The following ABCC1 variants were observed in gnomAD, a reference collection of about 807,000 sequenced individuals.
ABCC1 encodes the protein multidrug resistance-associated protein 1.
ABCC1 carries 83 observed loss-of-function variants against 172.9 expected under a neutral mutation model. The observed-to-expected ratio is 0.48, with a 90% CI of 0.40 to 0.58. The LOEUF is 0.58. ABCC1 is among the 20% of genes least tolerant of loss of function. The pLI, the probability that ABCC1 is intolerant of heterozygous loss-of-function variation, is 0.00. For missense variants in ABCC1, 1,817 were observed against 2,002.7 expected, an observed-to-expected ratio of 0.91 and a Z score of 1.77; for synonymous variants, 937 against 825.2, an observed-to-expected ratio of 1.14 and a Z score of -2.32.
chr16:16,002,325 T>G (rs1015850141), intron 1 of ABCC1, among the ~76,000 whole-genome samples: 1 of 152,206 alleles, frequency 6.6e-6, no homozygotes, highest in Non-Finnish European at 1.5e-5. Flanking sequence ...ATAAAATATT[T>G]TCTGAAAGAA....
chr16:16,005,052 TC>T (rs1020439608), intron 1 of ABCC1, among the ~76,000 whole-genome samples: 1 of 148,612 alleles, frequency 6.7e-6, no homozygotes, highest in Admixed American at 7.0e-5. Flanking sequence ...CTTATTTCCC[TC>T]ATTTCTCATT....
At chr16:16,116,629 C>T (rs2044883750) in intron 23 of ABCC1, among the ~76,000 whole-genome samples, 3 of 151,584 alleles carry the variant, frequency 2.0e-5, no homozygotes. Flanking sequence ...GTGATGGAAT[C>T]TCGGCTCACT....
intron 12 of ABCC1, among the ~76,000 whole-genome samples, chr16:16,060,962 G>A (rs188793221): frequency 1.4e-4 from 22 of 152,204 alleles, no homozygotes; most frequent in Non-Finnish European, 2.1e-4. Context: ...GATTACAGGC[G>A]CCTACTACCA....
intron 23 of ABCC1, among the ~76,000 whole-genome samples, chr16:16,120,930 C>T (rs1897047698): frequency 1.3e-5 from 2 of 152,156 alleles, no homozygotes; most frequent in South Asian, 4.1e-4. Context: ...AATTCTGTCA[C>T]TTAATGATAA....
At chr16:16,094,751 A>T (rs1242139190) in intron 19 of ABCC1, among the ~76,000 whole-genome samples, 1 of 148,514 alleles carries the variant, frequency 6.7e-6, no homozygotes, top group Non-Finnish European at 1.5e-5. Flanking sequence ...TCTTGACGTC[A>T]TGATCCGCCC....
At chr16:16,001,896 A>T (rs926409918) in intron 1 of ABCC1, among the ~76,000 whole-genome samples, 2 of 152,018 alleles carry the variant, frequency 1.3e-5, no homozygotes, top group Non-Finnish European at 2.9e-5. Flanking sequence ...AAGTTTATAT[A>T]TATGTGAGAC....
Position 16,079,548 on chromosome 16 carries a change from G to T in ABCC1, c.2115+70G>T, listed in dbSNP as rs973158304. ...TCTGAGGAAAAGCTCAGAAATGATG[G>T]TGTTTCTTTTGACTGTCCCTGTGCC... On this transcript the variant is annotated intron_variant, in intron 16 of 30. Transcript: ENST00000399410. 1.6e-5 allele frequency: 24 copies of T among 1,546,812 alleles called. No individual in the cohort carries two copies. The African/African-American group carries it at 2.6e-4, about 17-fold the overall frequency.
At chr16:15,961,111 G>A (rs527941158) in intron 1 of ABCC1, among the ~76,000 whole-genome samples, 5 of 150,856 alleles carry the variant, frequency 3.3e-5, no homozygotes, top group African/African-American at 9.8e-5. Flanking sequence ...CCTTCCATGT[G>A]CTGGGATTAC....
intron 1 of ABCC1, among the ~76,000 whole-genome samples, chr16:15,990,343 G>A (rs577503403): frequency 2.0e-5 from 3 of 152,218 alleles, no homozygotes; most frequent in South Asian, 2.1e-4. Flanking sequence ...CATCACACCC[G>A]GCCATCAGCA....
chr16:16,126,540 T>C (rs1319689122), intron 26 of ABCC1, among the ~76,000 whole-genome samples: 2 of 152,044 alleles, frequency 1.3e-5, no homozygotes, highest in African/African-American at 2.4e-5. Flanking sequence ...CCTGTCATCA[T>C]GCCTGGCTAA....
intron 19 of ABCC1, among the ~76,000 whole-genome samples, chr16:16,096,577 G>A (rs184218989): frequency 7.9e-5 from 12 of 152,266 alleles, no homozygotes; most frequent in Admixed American, 5.2e-4. Context: ...TTTCTCTGCC[G>A]AGGCTGGGGG....
At chr16:16,108,511 T>G (rs1416637467) in intron 21 of ABCC1, among the ~76,000 whole-genome samples, 1 of 151,776 alleles carries the variant, frequency 6.6e-6, no homozygotes, top group African/African-American at 2.4e-5. Flanking sequence ...CCTTGTGATC[T>G]GCCTGCCTCA....
chr16:16,133,372 T>TTTTTTGTTTTTG lies in ABCC1; in HGVS notation c.3967-955_3967-944dup, dbSNP rs10638507. Among the ~76,000 whole-genome samples, 558 of 148,666 alleles carry TTTTTTGTTTTTG rather than the reference T, an allele frequency of 3.8e-3. 3 individuals are homozygous for TTTTTTGTTTTTG. Among genetic ancestry groups the TTTTTTGTTTTTG allele is most frequent in the African/African-American group, 5.5e-3 (223 of 40,456 alleles). On this transcript the variant is annotated intron_variant, in intron 27 of 30. Transcript: ENST00000399410. ...AGAGTGGGTGATGTTCTTGCTGTCT[T>TTTTTTGTTTTTG]TTTTTGTTTTTGTTTTTGTTTTTGT...
At chr16:16,024,888 C>A (rs951989272) in intron 5 of ABCC1, among the ~76,000 whole-genome samples, 1 of 152,046 alleles carries the variant, frequency 6.6e-6, no homozygotes, top group Non-Finnish European at 1.5e-5. Flanking sequence ...GCATCAAAAA[C>A]CAGAAAAAGG....
intron 18 of ABCC1, among the ~76,000 whole-genome samples, chr16:16,089,569 GA>G (rs962022604): frequency 5.3e-5 from 8 of 150,774 alleles, no homozygotes; most frequent in Middle Eastern, 3.4e-3. Flanking sequence ...AAAAAAAGAA[GA>G]AAAAAATTAA....
intron 12 of ABCC1, among the ~76,000 whole-genome samples, chr16:16,063,588 A>G (rs1157813107): frequency 6.6e-6 from 1 of 152,214 alleles, no homozygotes; most frequent in Non-Finnish European, 1.5e-5. Flanking sequence ...AACTAGAGTA[A>G]GAGAAGAGGG....
At chr16:16,117,138 C>T (rs559589282) in intron 23 of ABCC1, among the ~76,000 whole-genome samples, 1 of 152,264 alleles carries the variant, frequency 6.6e-6, no homozygotes, top group South Asian at 2.1e-4. Context: ...TGTCCTCATA[C>T]TGCTATGAAG....
chr16:16,142,300 T>C lies in ABCC1; in HGVS notation c.*1019T>C, dbSNP rs1395548956. ...GTGTTAGGGGCCTGGCCCAAAGCAGTGTTGGTTGCTTACAGTGTTGATTGA... is the reference window on the plus strand; with the variant it reads ...GTGTTAGGGGCCTGGCCCAAAGCAGCGTTGGTTGCTTACAGTGTTGATTGA... On this transcript the variant is annotated 3_prime_UTR_variant, in exon 31 of 31. Transcript: ENST00000399410. 2 of 152,120 alleles carry C rather than the reference T, an allele frequency of 1.3e-5. No individual in the cohort carries two copies. Among genetic ancestry groups the C allele is most frequent in the Non-Finnish European group, 2.9e-5 (2 of 68,022 alleles). 9.4% of individuals were successfully genotyped at this position (152,120 alleles called of 1,614,324 possible).
At chr16:16,103,494 C>T (rs908742916) in intron 20 of ABCC1, among the ~76,000 whole-genome samples, 1 of 152,118 alleles carries the variant, frequency 6.6e-6, no homozygotes, top group Non-Finnish European at 1.5e-5. Flanking sequence ...GCACGAGAAT[C>T]GCTTGAACCC....
Sources: gnomAD v4.1 joint callset for allele counts (sites outside exome capture counted in the v4.1 genomes callset) on GRCh38, gnomAD v4.1.1 for gene constraint, MANE v1.5 for transcripts, NCBI Gene and HGNC (gene_info 2026-07-23, HGNC 2026-07-21) for gene names.